The following CCPG1 variants were observed in gnomAD, a reference collection of about 807,000 sequenced individuals.
The protein encoded by CCPG1 is cell cycle progression 1.
Under a neutral mutation model 81.3 loss-of-function variants are expected in CCPG1, and 46 were observed. The ratio of observed to expected loss-of-function variants is 0.57; its 90% CI spans 0.45 to 0.72. The LOEUF is 0.72. Ranked by LOEUF, CCPG1 falls within the 30% of genes least tolerant of loss-of-function variation. The pLI, the probability that CCPG1 is intolerant of heterozygous loss-of-function variation, is 0.00. For synonymous variants in CCPG1, 330 were observed against 305.2 expected, an observed-to-expected ratio of 1.08 and a Z score of -0.85; for missense variants, 902 against 937.6, an observed-to-expected ratio of 0.96 and a Z score of 0.50.
chr15:55,360,489 C>T lies in CCPG1; in HGVS notation c.1284G>A (p.Arg428=), dbSNP rs1304395694. Residue 428 remains arginine, a synonymous_variant, in exon 8 of 9, where the codon CGG becomes CGA. Coordinates refer to ENST00000442196, the MANE Select transcript of CCPG1 (RefSeq NM_001204450.2). ...TCCGTTCCAGCTCAGTGAGTCTTTC[C>T]CGTAAGATTGCTATTTCCTTTTTTT... ...YTEKKEIAIL[R]ERLTELERKL... The T allele has an allele frequency of 1.2e-6, 2 of 1,614,002 alleles. No individual in the cohort carries two copies. Among genetic ancestry groups the T allele is most frequent in the East Asian group, 4.5e-5 (2 of 44,892 alleles).
intron 8 of CCPG1, chr15:55,359,195 T>C (rs888671667): frequency 2.0e-6 from 2 of 996,406 alleles, no homozygotes; most frequent in African/African-American, 3.5e-5. Context: ...ACATAAAAGA[T>C]TAAAGGAAAA....
chr15:55,377,901 G>A (rs1251409371), intron 4 of CCPG1, among the ~76,000 whole-genome samples: 1 of 97,944 alleles, frequency 1.0e-5, no homozygotes, highest in Non-Finnish European at 2.2e-5. Flanking sequence ...CAGGTATTTT[G>A]TCAGATCAGT....
chr15:55,405,608 G>C lies in CCPG1; in HGVS notation c.-10+2613C>G, dbSNP rs151202129. Among the ~76,000 whole-genome samples the C allele has an allele frequency of 1.3e-3, 196 of 152,232 alleles. 2 individuals are homozygous for C. Among genetic ancestry groups the C allele is most frequent in the African/African-American group, 4.5e-3 (188 of 41,538 alleles). On this transcript the variant is annotated intron_variant, in intron 1 of 8. Coordinates refer to ENST00000442196, the MANE Select transcript of CCPG1 (RefSeq NM_001204450.2). ...GCCTGTAGCCCCAGCTATGTGGGAG[G>C]CTGTGTTGGGATCACTTGAGCCCAG... is the stretch of plus-strand genomic sequence containing the variant.
Position 55,389,429 on chromosome 15 carries a change from C to T in CCPG1, c.-5G>A, listed in dbSNP as rs752465173. 1 of 1,608,254 alleles carries T rather than the reference C, an allele frequency of 6.2e-7. No homozygotes were observed. Reference sequence around the variant, plus strand: ...GTCACTGGAATTTTCAGACATCTTTCAGGTCTACAAATACAAAAACATATT... The same window carrying T: ...GTCACTGGAATTTTCAGACATCTTTTAGGTCTACAAATACAAAAACATATT... On this transcript the variant is annotated 5_prime_UTR_variant, in exon 2 of 9. Transcript: ENST00000442196.
intron 6 of CCPG1, among the ~76,000 whole-genome samples, chr15:55,369,330 G>C (rs892341395): frequency 6.6e-6 from 1 of 152,174 alleles, no homozygotes; most frequent in African/African-American, 2.4e-5. Context: ...GAGGTCAGGA[G>C]TTCGAGACCA....
intron 8 of CCPG1, chr15:55,359,061 C>CA (rs2056138097): frequency 1.0e-6 from 1 of 984,644 alleles, no homozygotes; most frequent in Non-Finnish European, 1.2e-6. Context: ...AGTATCATAA[C>CA]TAAGCTGGTA....
rs1199763893 is a variant in CCPG1 at position 55,360,820 on chromosome 15, T to C, written c.953A>G (p.Glu318Gly). 2.5e-5 allele frequency: 40 copies of C among 1,612,340 alleles called. No individual in the cohort carries two copies. Among genetic ancestry groups the C allele is most frequent in the Non-Finnish European group, 3.3e-5 (39 of 1,179,454 alleles). ...QYLRVSLEKE[E>G]KALSSLQEEL... Reference sequence around the variant, plus strand: ...TTCCTGTAATGAGGATAAGGCTTTTTCTTCCTTCTCCAAGGATACTCTTAA... The same window carrying C: ...TTCCTGTAATGAGGATAAGGCTTTTCCTTCCTTCTCCAAGGATACTCTTAA... The change falls in exon 8 of 9, where the codon GAA (glutamate) becomes GGA (glycine). Residue 318 changes from glutamate (E) to glycine (G), a missense_variant. By Grantham distance (98) the Glu-to-Gly change is moderately conservative. Transcript: ENST00000442196.
chr15:55,375,342 T>C (rs2056542798), intron 5 of CCPG1, among the ~76,000 whole-genome samples: 1 of 152,210 alleles, frequency 6.6e-6, no homozygotes, highest in African/African-American at 2.4e-5. Flanking sequence ...CTGGCTTCAA[T>C]TTGACTTTTC....
At chr15:55,368,847 C>A (rs1263014817) in intron 6 of CCPG1, among the ~76,000 whole-genome samples, 1 of 152,218 alleles carries the variant, frequency 6.6e-6, no homozygotes, top group Non-Finnish European at 1.5e-5. Flanking sequence ...CACGGTGGCT[C>A]ACGCCTATAA....
intron 7 of CCPG1, 22 bp from the exon 8 acceptor site, chr15:55,360,966 AAG>A (rs2056180735): frequency 6.7e-7 from 1 of 1,490,544 alleles, no homozygotes; most frequent in Non-Finnish European, 8.9e-7. Context: ...TTTGAAAGAG[AAG>A]AAATAAAATG....
Position 55,371,982 on chromosome 15 carries a change from G to C in CCPG1, c.517C>G (p.Pro173Ala). Residue 173 changes from proline (P) to alanine (A), a missense_variant, in exon 6 of 9, where the codon CCT (proline) becomes GCT (alanine). Transcript: ENST00000442196. ...CTAGCACGGCGTCGTCTAAAGGCAG[G>C]ACTGGGCTGATTACTGGTTTCATCA... is the stretch of plus-strand genomic sequence containing the variant. Reference protein sequence around the residue: ...SSDETSNQPSPAFRRRRARKK... With the variant: ...SSDETSNQPSAAFRRRRARKK... The C allele has an allele frequency of 1.9e-6, 3 of 1,614,056 alleles. No individual in the cohort carries two copies. The highest frequency in any genetic ancestry group is 1.7e-6 in the Non-Finnish European group (2 of 1,179,908).
intron 8 of CCPG1, chr15:55,357,364 T>C: frequency 2.0e-6 from 2 of 985,426 alleles, no homozygotes; most frequent in Non-Finnish European, 2.4e-6. Flanking sequence ...AGTCCCAGTT[T>C]AGATGTTCAT....
chr15:55,373,980 G>C (rs938829851), intron 5 of CCPG1, among the ~76,000 whole-genome samples: 7 of 152,168 alleles, frequency 4.6e-5, no homozygotes, highest in African/African-American at 1.7e-4. Flanking sequence ...TTGGCCCATA[G>C]ATGCAAGCAA....
chr15:55,365,300 T>C lies in CCPG1; in HGVS notation c.716A>G (p.Gln239Arg). 1 of 1,520,112 alleles carries C rather than the reference T, an allele frequency of 6.6e-7. No homozygotes were observed. The highest frequency in any genetic ancestry group is 9.0e-7 in the Non-Finnish European group (1 of 1,112,446). The allele number at this position is 1,520,112 out of a possible 1,614,324, so 94.2% of individuals were successfully genotyped here. ...MGFGHFYGTI[Q>R]IQKRQQLVRK... ...GACTAACTGTTGACGCTTCTGAATCTGAATTGTGCCTAAAATAAATATTTT... is the reference window on the plus strand; with the variant it reads ...GACTAACTGTTGACGCTTCTGAATCCGAATTGTGCCTAAAATAAATATTTT... The change falls in exon 7 of 9, where the codon CAG becomes CGG. Residue 239 changes from glutamine to arginine, a missense_variant. Gln to Arg is a conservative substitution (Grantham distance 43, BLOSUM62 1). Around this residue, in one of 3 missense-constraint regions of CCPG1, gnomAD observed 746 missense variants for 728.6 expected, o/e 1.02. Transcript: ENST00000442196.
chr15:55,405,218 C>T lies in CCPG1; in HGVS notation c.-10+3003G>A, dbSNP rs549101417. Reference sequence around the variant, plus strand: ...CTCTACTAAAAAATGCAAAATTAGCCGGGCATGGTGGCACATGCCTGTAAT... The same window carrying T: ...CTCTACTAAAAAATGCAAAATTAGCTGGGCATGGTGGCACATGCCTGTAAT... On this transcript the variant is annotated intron_variant, in intron 1 of 8. Transcript: ENST00000442196. Among the ~76,000 whole-genome samples the T allele has an allele frequency of 5.3e-5, 8 of 151,966 alleles. 1 individual carries two copies. The highest frequency in any genetic ancestry group is 2.6e-4 in the Admixed American group (4 of 15,254).
Position 55,366,203 on chromosome 15 carries a change from G to A in CCPG1, c.707-894C>T, listed in dbSNP as rs184664348. On this transcript the variant is annotated intron_variant, in intron 6 of 8. Coordinates refer to ENST00000442196, the MANE Select transcript of CCPG1 (RefSeq NM_001204450.2). ...GAAGGCACTCAGCTTTGTTGTTTTG[G>A]GGTTATCTTTTAAGTACAAAAAGTG... 1.3e-3 allele frequency among the ~76,000 whole-genome samples: 197 copies of A among 152,166 alleles called. 1 individual carries two copies. The highest frequency in any genetic ancestry group is 1.5e-3 in the Non-Finnish European group (101 of 67,988).
intron 4 of CCPG1, 29 bp from the exon 5 acceptor site, chr15:55,377,179 AG>A: frequency 1.3e-6 from 2 of 1,496,224 alleles, no homozygotes; most frequent in Non-Finnish European, 1.9e-6. Flanking sequence ...AGAGATGGTA[AG>A]TTCAACAATC....
At chr15:55,369,452 T>C (rs2056402700) in intron 6 of CCPG1, among the ~76,000 whole-genome samples, 1 of 152,038 alleles carries the variant, frequency 6.6e-6, no homozygotes, top group Non-Finnish European at 1.5e-5. Context: ...GGAGAATTGC[T>C]TGAACCCGGG....
chr15:55,405,633 G>C (rs1325991975), intron 1 of CCPG1, among the ~76,000 whole-genome samples: 2 of 152,190 alleles, frequency 1.3e-5, no homozygotes, highest in Non-Finnish European at 2.9e-5. Context: ...CTTGAGCCCA[G>C]GAGGCTGCAG....
Sources: allele counts gnomAD v4.1 joint callset (sites outside exome capture counted in the v4.1 genomes callset), GRCh38; gene constraint gnomAD v4.1.1; regional missense constraint gnomAD v4.1.1; transcripts MANE v1.5; gene names NCBI Gene and HGNC (gene_info 2026-07-23, HGNC 2026-07-21).